The following ATF2 variants were observed in gnomAD, a reference collection of about 807,000 sequenced individuals.
ATF2 encodes cyclic AMP-dependent transcription factor ATF-2.
Under a neutral mutation model 60.6 loss-of-function variants are expected in ATF2, and 24 were observed. The observed-to-expected ratio is 0.40, with a 90% CI of 0.29 to 0.56. The LOEUF is 0.56. ATF2 is among the 20% of genes least tolerant of loss of function. The pLI, the probability that ATF2 is intolerant of heterozygous loss-of-function variation, is 0.54. For missense variants in ATF2, 433 were observed against 607.7 expected (o/e 0.71, Z 3.02); for synonymous variants, 206 against 215.4 (o/e 0.96, Z 0.38).
intron 4 of ATF2, among the ~76,000 whole-genome samples, chr2:175,124,422 G>A (rs568007715): frequency 2.0e-5 from 3 of 151,846 alleles, no homozygotes; most frequent in Non-Finnish European, 4.4e-5. Context: ...CTGATATCTG[G>A]GAAATCTGTG....
In ATF2 at chr2:175,080,920, C is replaced by A. The variant is rs375104775; in HGVS notation, c.1186-155G>T. Among the ~76,000 whole-genome samples, 50 of 152,218 alleles carry A rather than the reference C, an allele frequency of 3.3e-4. 1 individual carries two copies. Among genetic ancestry groups the A allele is most frequent in the African/African-American group, 1.1e-3 (47 of 41,524 alleles). ...TTAAATATGTCTAATCAGCACAGGGCAGCTTTTATATTTTAGCATTTATTA... is the reference window on the plus strand; with the variant it reads ...TTAAATATGTCTAATCAGCACAGGGAAGCTTTTATATTTTAGCATTTATTA... On this transcript the variant is annotated intron_variant, in intron 12 of 13. Transcript: ENST00000264110.
intron 2 of ATF2, among the ~76,000 whole-genome samples, chr2:175,144,198 C>G (rs947569675): frequency 1.3e-5 from 2 of 152,138 alleles, no homozygotes; most frequent in South Asian, 2.1e-4. Flanking sequence ...GGCACCTCGT[C>G]GTTAGGTTCC....
At chr2:175,108,380 G>A (rs1216808928) in intron 10 of ATF2, among the ~76,000 whole-genome samples, 65 of 129,862 alleles carry the variant, frequency 5.0e-4, no homozygotes, top group Non-Finnish European at 8.9e-4. Flanking sequence ...GGGGGTCAGC[G>A]TCCACCCGGC....
intron 2 of ATF2, among the ~76,000 whole-genome samples, chr2:175,147,024 T>C (rs1427275587): frequency 3.3e-5 from 5 of 152,180 alleles, no homozygotes; most frequent in Non-Finnish European, 7.3e-5. Context: ...CTATGATATA[T>C]ATCAAAGAAT....
chr2:175,134,890 G>C (rs951542510), intron 3 of ATF2, among the ~76,000 whole-genome samples: 5 of 151,588 alleles, frequency 3.3e-5, no homozygotes, highest in Non-Finnish European at 5.9e-5. Flanking sequence ...TGTAGTCCCA[G>C]CTACTCTGGA....
chr2:175,115,078 G>GTTGTT (rs567734620), intron 7 of ATF2, among the ~76,000 whole-genome samples: 59 of 144,088 alleles, frequency 4.1e-4, no homozygotes, highest in African/African-American at 1.3e-3. Flanking sequence ...AAAAAGACTC[G>GTTGTT]TTTTTTTTTT....
chr2:175,132,459 T>C (rs1697800459), intron 3 of ATF2, among the ~76,000 whole-genome samples: 1 of 152,190 alleles, frequency 6.6e-6, no homozygotes, highest in Non-Finnish European at 1.5e-5. Flanking sequence ...TCTCTTATTG[T>C]TTTAATGTGG....
intron 10 of ATF2, among the ~76,000 whole-genome samples, chr2:175,099,554 C>T (rs921072476): frequency 7.2e-5 from 11 of 152,184 alleles, no homozygotes; most frequent in African/African-American, 2.7e-4. Context: ...GTTTTCTGAT[C>T]CCAAGAGTTT....
chr2:175,147,149 A>G (rs73976303), intron 2 of ATF2, among the ~76,000 whole-genome samples: 14,540 of 152,214 alleles, frequency 0.096, 764 homozygotes, highest in Middle Eastern at 0.17. Context: ...TTATTCTATT[A>G]GCTCCTTGTT....
chr2:175,114,731 A>G lies in ATF2; in HGVS notation c.585T>C (p.Ser195=), dbSNP rs1399084738. 1.2e-6 allele frequency: 2 copies of G among 1,614,004 alleles called. No homozygotes were observed. The highest frequency in any genetic ancestry group is 1.7e-6 in the Non-Finnish European group (2 of 1,179,916). ...AGGATGGTGCCTGGGTGATTACAGTACTTGAGGTTGGTGAAGGTACTGCCT... is the reference window on the plus strand; with the variant it reads ...AGGATGGTGCCTGGGTGATTACAGTGCTTGAGGTTGGTGAAGGTACTGCCT... ...IQQAVPSPTS[S]TVITQAPSSN... is the part of the protein sequence containing the mutation. Residue 195 remains serine, a synonymous_variant, in exon 8 of 14, where the codon AGT becomes AGC. Transcript: ENST00000264110.
intron 10 of ATF2, among the ~76,000 whole-genome samples, chr2:175,102,893 A>G (rs1007646432): frequency 6.6e-6 from 1 of 152,228 alleles, no homozygotes; most frequent in African/African-American, 2.4e-5. Context: ...TGTTTCTATG[A>G]AACAGACCAG....
intron 1 of ATF2, among the ~76,000 whole-genome samples, chr2:175,167,481 C>T (rs545725206): frequency 6.6e-6 from 1 of 152,116 alleles, no homozygotes; most frequent in Non-Finnish European, 1.5e-5. Context: ...CCATTCTTTC[C>T]TTCAAGCTGC....
Position 175,074,582 on chromosome 2 carries a change from T to C in ATF2, c.*27A>G, listed in dbSNP as rs1326272189. The C allele has an allele frequency of 6.3e-7, 1 of 1,593,228 alleles. No individual in the cohort carries two copies. Among genetic ancestry groups the C allele is most frequent in the South Asian group, 1.1e-5 (1 of 88,730 alleles). ...CCCTTTGAAGTCACTAATGAGTATC[T>C]AAAACTGTTGTACTGCAGGTTTTTA... On this transcript the variant is annotated 3_prime_UTR_variant, in exon 14 of 14. Coordinates refer to ENST00000264110, the MANE Select transcript of ATF2 (RefSeq NM_001880.4).
chr2:175,102,447 C>T (rs1205145420), intron 10 of ATF2, among the ~76,000 whole-genome samples: 3 of 152,090 alleles, frequency 2.0e-5, no homozygotes, highest in Non-Finnish European at 4.4e-5. Flanking sequence ...ATTAAGTACT[C>T]TAAGAAGTAA....
intron 11 of ATF2, among the ~76,000 whole-genome samples, chr2:175,094,110 T>C (rs1249682346): frequency 6.6e-6 from 1 of 152,048 alleles, no homozygotes; most frequent in Non-Finnish European, 1.5e-5. Flanking sequence ...AATGAACTCT[T>C]GGCCGGGCGT....
chr2:175,149,190 C>T (rs1699144933), intron 2 of ATF2, among the ~76,000 whole-genome samples: 3 of 152,186 alleles, frequency 2.0e-5, no homozygotes. Context: ...CTTCCACCAT[C>T]CTTCCTTCCC....
chr2:175,103,184 A>C (rs1406158233), intron 10 of ATF2, among the ~76,000 whole-genome samples: 1 of 152,234 alleles, frequency 6.6e-6, no homozygotes, highest in Non-Finnish European at 1.5e-5. Context: ...GTTCTCTAGA[A>C]ACAATTTATG....
intron 10 of ATF2, among the ~76,000 whole-genome samples, chr2:175,101,368 A>G (rs1188293012): frequency 6.6e-6 from 1 of 152,224 alleles, no homozygotes; most frequent in Non-Finnish European, 1.5e-5. Context: ...GCATATTTAT[A>G]TATTTTATAA....
At chr2:175,157,909 T>G (rs1699781394) in intron 1 of ATF2, among the ~76,000 whole-genome samples, 1 of 152,046 alleles carries the variant, frequency 6.6e-6, no homozygotes, top group African/African-American at 2.4e-5. Context: ...AGAGAACTGC[T>G]TGAACCCGGG....
Sources: gnomAD v4.1 joint callset for allele counts (sites outside exome capture counted in the v4.1 genomes callset) on GRCh38, gnomAD v4.1.1 for gene constraint, MANE v1.5 for transcripts, NCBI Gene and HGNC (gene_info 2026-07-23, HGNC 2026-07-21) for gene names.